The following PHF24 variants were observed in gnomAD, a reference collection of about 807,000 sequenced individuals.
The protein encoded by PHF24 is PHD finger protein 24, also known as Galpha inhibitory interacting protein.
PHF24 carries 25 observed loss-of-function variants against 42.6 expected under a neutral mutation model. The ratio of observed to expected loss-of-function variants is 0.59; its 90% CI spans 0.43 to 0.82. PHF24 has a LOEUF of 0.82. Among genes scored for constraint, PHF24 ranks in the 40% least tolerant of loss-of-function variants. The probability of loss-of-function intolerance (pLI) is 0.00; values close to 1 mark genes in which losing one functional copy is unlikely to be tolerated. For synonymous variants in PHF24, 185 were observed against 204.8 expected (o/e 0.90, Z 0.83); for missense variants, 470 against 538.1 (o/e 0.87, Z 1.25).
chr9:34,795,241 C>A, the PHF24 span, among the ~76,000 whole-genome samples: 5 of 150,412 alleles, frequency 3.3e-5, no homozygotes, highest in African/African-American at 1.2e-4. Context: ...AAGACCCTGT[C>A]TTTAAAAGAG....
At chr9:34,776,862 A>G in the PHF24 span, among the ~76,000 whole-genome samples, 2 of 152,188 alleles carry the variant, frequency 1.3e-5, no homozygotes, top group African/African-American at 4.8e-5. Flanking sequence ...ATTTGAATTT[A>G]CTTTCATAGG....
At chr9:34,966,730 G>A (rs1253559098) in intron 1 of PHF24, among the ~76,000 whole-genome samples, 1 of 151,722 alleles carries the variant, frequency 6.6e-6, no homozygotes, top group East Asian at 1.9e-4. Context: ...TCACTGTGTT[G>A]CCCAGGTTTC....
chr9:34,767,645 C>T, the PHF24 span, among the ~76,000 whole-genome samples: 4 of 152,348 alleles, frequency 2.6e-5, no homozygotes, highest in East Asian at 5.8e-4. Context: ...CTCCCTGACC[C>T]CTTGCGCTTC....
chr9:34,902,226 A>T, the PHF24 span, among the ~76,000 whole-genome samples: 7 of 152,232 alleles, frequency 4.6e-5, no homozygotes, highest in African/African-American at 1.7e-4. Flanking sequence ...TGTAAAAATG[A>T]ATTTATATTC....
At chr9:34,934,937 A>G in the PHF24 span, among the ~76,000 whole-genome samples, 1 of 152,196 alleles carries the variant, frequency 6.6e-6, no homozygotes, top group Non-Finnish European at 1.5e-5. Context: ...CTTTTACAGA[A>G]GCAATTTACT....
the PHF24 span, among the ~76,000 whole-genome samples, chr9:34,884,103 A>C: frequency 6.6e-6 from 1 of 152,198 alleles, no homozygotes; most frequent in South Asian, 2.1e-4. Context: ...TTCCGAGAAA[A>C]CTATCACGAG....
At chr9:34,714,746 C>T in the PHF24 span, among the ~76,000 whole-genome samples, 45 of 152,226 alleles carry the variant, frequency 3.0e-4, 1 homozygote, top group South Asian at 7.5e-3. Context: ...GAGACTTTCT[C>T]GCCTGGCACA....
At chr9:34,916,749 T>C in the PHF24 span, among the ~76,000 whole-genome samples, 1 of 152,356 alleles carries the variant, frequency 6.6e-6, no homozygotes, top group African/African-American at 2.4e-5. Flanking sequence ...GTGGTTTGTT[T>C]GTGTGGTAAG....
upstream of PHF24, chr9:34,957,538 G>A (rs1826403979): frequency 6.6e-6 from 1 of 152,270 alleles, no homozygotes; most frequent in African/African-American, 2.4e-5. Context: ...TGAGGGATGA[G>A]GTTGCTGCAG....
the PHF24 span, chr9:34,690,284 T>A: frequency 6.2e-7 from 1 of 1,613,936 alleles, no homozygotes; most frequent in Non-Finnish European, 8.5e-7. Flanking sequence ...CAGGGATGGG[T>A]TTCTGGGTCA....
chr9:34,765,230 G>C, the PHF24 span, among the ~76,000 whole-genome samples: 1 of 152,142 alleles, frequency 6.6e-6, no homozygotes, highest in Non-Finnish European at 1.5e-5. Flanking sequence ...TTGGTGCAGA[G>C]CTGAGTTCAA....
chr9:34,890,951 T>G, the PHF24 span, among the ~76,000 whole-genome samples: 1 of 152,192 alleles, frequency 6.6e-6, no homozygotes, highest in Admixed American at 6.5e-5. Context: ...GACTTACACA[T>G]TGCTGTTCAG....
the PHF24 span, chr9:34,728,540 C>A: frequency 6.8e-7 from 1 of 1,478,204 alleles, no homozygotes; most frequent in South Asian, 1.2e-5. Context: ...CTCCAGAGGT[C>A]ACAGAGGGAC....
At chr9:34,977,495 G>A in intron 6 of PHF24, 51 bp from the exon 7 acceptor site, 3 of 1,534,516 alleles carry the variant, frequency 2.0e-6, no homozygotes, top group Non-Finnish European at 2.7e-6. Flanking sequence ...TTTGGGAGGG[G>A]GCAGGCATTT....
At chr9:34,917,075 G>A in the PHF24 span, 1 of 709,338 alleles carries the variant, frequency 1.4e-6, no homozygotes, top group South Asian at 1.4e-5. Context: ...AGCGGAGCGT[G>A]TGAGCAGCAC....
chr9:34,721,399 TTCTCTCTCTCTCTCTC>T, the PHF24 span, among the ~76,000 whole-genome samples: 2 of 139,340 alleles, frequency 1.4e-5, no homozygotes, highest in Admixed American at 7.0e-5. Context: ...TGTCTTTCCA[TTCTCTCTCTCTCTCTC>T]TCTCTCTCTC....
chr9:34,917,124 G>A, the PHF24 span: 34 of 846,096 alleles, frequency 4.0e-5, no homozygotes, highest in South Asian at 3.3e-4. Flanking sequence ...CCTCGCTCTC[G>A]CGGCCTACCT....
chr9:34,805,144 A>G, the PHF24 span, among the ~76,000 whole-genome samples: 1 of 152,136 alleles, frequency 6.6e-6, no homozygotes, highest in Non-Finnish European at 1.5e-5. Flanking sequence ...TCTTTTGGCT[A>G]TTATAAATAA....
the PHF24 span, among the ~76,000 whole-genome samples, chr9:34,775,227 T>G: frequency 0.17 from 25,755 of 152,168 alleles, 2,311 homozygotes; most frequent in South Asian, 0.24. Context: ...GGGATGAAAT[T>G]CTAATACATG....
Sources: allele counts gnomAD v4.1 joint callset (sites outside exome capture counted in the v4.1 genomes callset), GRCh38; gene constraint gnomAD v4.1.1; transcripts MANE v1.5; gene names NCBI Gene and HGNC (gene_info 2026-07-23, HGNC 2026-07-21).